ATP6V0A4: variants seen among roughly 807,000 people sequenced by gnomAD.
ATP6V0A4 encodes V-type proton ATPase 116 kDa subunit a 4.
ATP6V0A4 carries 86 observed loss-of-function variants against 107.3 expected under a neutral mutation model. The observed-to-expected ratio is 0.80, with a 90% CI of 0.67 to 0.96. The LOEUF (loss-of-function observed/expected upper bound fraction) is 0.96. Ranked by LOEUF, ATP6V0A4 falls within the 40% of genes least tolerant of loss-of-function variation. The probability of loss-of-function intolerance (pLI) is 0.00; values close to 1 mark genes in which losing one functional copy is unlikely to be tolerated. For synonymous variants in ATP6V0A4, 353 were observed against 381.4 expected (o/e 0.93, Z 0.87); for missense variants, 908 against 1,045.6 (o/e 0.87, Z 1.81).
intron 20 of ATP6V0A4, among the ~76,000 whole-genome samples, chr7:138,713,280 GAA>G (rs10673617): frequency 3.5e-3 from 421 of 120,694 alleles, no homozygotes; most frequent in Middle Eastern, 0.013. Context: ...ACTCCAGCCT[GAA>G]AAAAAAAAAA....
In ATP6V0A4 at chr7:138,749,187, C is replaced by G; in HGVS notation, c.1160G>C (p.Ser387Thr). 1 of 1,614,108 alleles carries G rather than the reference C, an allele frequency of 6.2e-7. No individual in the cohort carries two copies. The highest frequency in any genetic ancestry group is 8.5e-7 in the Non-Finnish European group (1 of 1,180,016). ...TTTACCTGGGTTTATCTCCCGGTAGCTGCCGACACCATAGGCATCAACAAT... is the reference window on the plus strand; with the variant it reads ...TTTACCTGGGTTTATCTCCCGGTAGGTGCCGACACCATAGGCATCAACAAT... ...QNIVDAYGVG[S>T]YREINPAPYT... Residue 387 changes from serine (S) to threonine (T), a missense_variant, in exon 12 of 22, where the codon AGC becomes ACC. By Grantham distance (58) the Ser-to-Thr change is moderately conservative (BLOSUM62 1). Transcript: ENST00000310018.
intron 21 of ATP6V0A4, among the ~76,000 whole-genome samples, chr7:138,708,022 TTTA>T (rs1562973479): frequency 1.6e-4 from 16 of 102,456 alleles, no homozygotes; most frequent in African/African-American, 7.3e-4. Flanking sequence ...TTTTATTTTA[TTTA>T]TTTATTTATT....
chr7:138,718,585 G>GGAATGGGGAA, intron 19 of ATP6V0A4, among the ~76,000 whole-genome samples: 1 of 73,942 alleles, frequency 1.4e-5, no homozygotes, highest in Non-Finnish European at 2.6e-5. Context: ...GGCATGGGGC[G>GGAATGGGGAA]GAATGGGGAG....
At chr7:138,785,278 C>CTT (rs67440202) in intron 2 of ATP6V0A4, among the ~76,000 whole-genome samples, 88 of 131,670 alleles carry the variant, frequency 6.7e-4, no homozygotes, top group African/African-American at 2.4e-3. Flanking sequence ...TTTCTTTTTT[C>CTT]TTTTTTTTTT....
chr7:138,788,589 T>G (rs1056427712), intron 1 of ATP6V0A4, among the ~76,000 whole-genome samples: 11 of 152,196 alleles, frequency 7.2e-5, no homozygotes, highest in Admixed American at 1.3e-4. Context: ...TACCAAACTC[T>G]ATAATATCCT....
Position 138,752,653 on chromosome 7 carries a change from C to A in ATP6V0A4, c.1001G>T (p.Arg334Leu), listed in dbSNP as rs148156124. 6.2e-7 allele frequency: 1 copy of A among 1,613,752 alleles called. No homozygotes were observed. The highest frequency in any genetic ancestry group is 8.5e-7 in the Non-Finnish European group (1 of 1,179,856). Residue 334 changes from arginine (R) to leucine (L), a missense_variant, in exon 11 of 22, where the codon CGT becomes CTT. Transcript: ENST00000310018. ...EIWFPVADAT[R>L]IKRALEQGME... is the part of the protein sequence containing the mutation. Reference sequence around the variant, plus strand: ...GCCTTGCTCCAGTGCCCTCTTGATACGTGTGGCATCTGCCACCGGGAACCA... The same window carrying A: ...GCCTTGCTCCAGTGCCCTCTTGATAAGTGTGGCATCTGCCACCGGGAACCA...
intron 19 of ATP6V0A4, among the ~76,000 whole-genome samples, chr7:138,717,991 G>C (rs1017697196): frequency 2.9e-4 from 13 of 45,470 alleles, no homozygotes; most frequent in African/African-American, 1.1e-3. Context: ...AAAGAAGCTA[G>C]AGCAGTCACG....
chr7:138,737,699 A>G (rs1805417868), intron 15 of ATP6V0A4, among the ~76,000 whole-genome samples: 1 of 148,932 alleles, frequency 6.7e-6, no homozygotes. Flanking sequence ...CTCCTGCCTC[A>G]GCCTCCCGAG....
chr7:138,781,142 A>G (rs1247393622), intron 2 of ATP6V0A4, among the ~76,000 whole-genome samples: 5 of 152,196 alleles, frequency 3.3e-5, no homozygotes, highest in African/African-American at 1.2e-4. Flanking sequence ...CTAAATTATG[A>G]CACAAGGCTA....
rs111797215 is a variant in ATP6V0A4 at position 138,744,668 on chromosome 7, G to T, written c.1478+455C>A. The stretch of plus-strand genomic sequence containing the variant: ...CTGCCTCAGCCTCCCAAGTAGCTAG[G>T]ACTAAAGGCGTGCCAACACACTTGG... On this transcript the variant is annotated intron_variant, in intron 14 of 21. Transcript: ENST00000310018. Among the ~76,000 whole-genome samples, 1,221 of 152,094 alleles carry T rather than the reference G, an allele frequency of 8.0e-3. 12 individuals are homozygous for T. The highest frequency in any genetic ancestry group is 0.028 in the African/African-American group (1,149 of 41,516).
At chr7:138,736,611 G>A (rs1448583355) in intron 15 of ATP6V0A4, among the ~76,000 whole-genome samples, 1 of 151,858 alleles carries the variant, frequency 6.6e-6, no homozygotes, top group African/African-American at 2.4e-5. Flanking sequence ...TCGCTCTGTT[G>A]CTCAGGCTGG....
At chr7:138,787,262 C>G (rs762595421) in intron 1 of ATP6V0A4, among the ~76,000 whole-genome samples, 1 of 152,202 alleles carries the variant, frequency 6.6e-6, no homozygotes, top group African/African-American at 2.4e-5. Context: ...CACGTATCCC[C>G]TCTGCAGAGT....
At chr7:138,790,381 C>A (rs947439157) in intron 1 of ATP6V0A4, among the ~76,000 whole-genome samples, 4 of 152,064 alleles carry the variant, frequency 2.6e-5, no homozygotes, top group African/African-American at 9.7e-5. Context: ...GCAACCTCTG[C>A]CTCTTGGGTT....
intron 1 of ATP6V0A4, among the ~76,000 whole-genome samples, chr7:138,791,978 G>A (rs893125966): frequency 2.0e-5 from 3 of 152,178 alleles, no homozygotes; most frequent in Non-Finnish European, 4.4e-5. Flanking sequence ...AAAACTATGT[G>A]TATAACTAAC....
At chr7:138,792,112 T>G (rs1053703027) in intron 1 of ATP6V0A4, among the ~76,000 whole-genome samples, 3 of 152,020 alleles carry the variant, frequency 2.0e-5, no homozygotes, top group South Asian at 2.1e-4. Flanking sequence ...ATCGAGACCA[T>G]CCTGGCTAAC....
intron 1 of ATP6V0A4, 190 bp downstream of exon 1, chr7:138,797,844 G>C (rs1808758068): frequency 1.5e-6 from 1 of 652,484 alleles, no homozygotes; most frequent in Non-Finnish European, 2.6e-6. Flanking sequence ...GCGCTCAGGG[G>C]AGAAGGGCAC....
At chr7:138,775,002 T>C (rs763441963) in intron 2 of ATP6V0A4, among the ~76,000 whole-genome samples, 1 of 152,146 alleles carries the variant, frequency 6.6e-6, no homozygotes, top group Non-Finnish European at 1.5e-5. Context: ...GGTGCATTTC[T>C]CTTGCCCAGG....
intron 9 of ATP6V0A4, among the ~76,000 whole-genome samples, 188 bp downstream of exon 9, chr7:138,756,270 A>T (rs1250455686): frequency 6.6e-6 from 1 of 152,224 alleles, no homozygotes; most frequent in African/African-American, 2.4e-5. Context: ...CATTTTGCAT[A>T]TTCAAGTTCT....
At chr7:138,796,371 A>G (rs1808662247) in intron 1 of ATP6V0A4, among the ~76,000 whole-genome samples, 1 of 152,100 alleles carries the variant, frequency 6.6e-6, no homozygotes, top group African/African-American at 2.4e-5. Context: ...ACTATTTTAT[A>G]TCTTAGAGCC....
Sources: gnomAD v4.1 joint callset for allele counts (sites outside exome capture counted in the v4.1 genomes callset) on GRCh38, gnomAD v4.1.1 for gene constraint, MANE v1.5 for transcripts, NCBI Gene and HGNC (gene_info 2026-07-23, HGNC 2026-07-21) for gene names.